The following PRKX variants were observed in gnomAD, a reference collection of about 807,000 sequenced individuals.
PRKX encodes cAMP-dependent protein kinase catalytic subunit PRKX.
In PRKX, 12 loss-of-function variants were observed where a neutral mutation model predicts 22.0. The observed-to-expected ratio is 0.54, with a 90% CI of 0.35 to 0.88. The LOEUF (loss-of-function observed/expected upper bound fraction) is 0.88, where lower values mean the gene tolerates loss of function less well. Ranked by LOEUF, PRKX falls within the 40% of genes least tolerant of loss-of-function variation. The pLI is 0.01. For missense variants in PRKX, 217 were observed against 308.0 expected (o/e 0.70, Z 2.21); for synonymous variants, 134 against 137.7 (o/e 0.97, Z 0.19).
intron 6 of PRKX, among the ~76,000 whole-genome samples, chrX:3,617,229 A>ATT (rs1291268069): frequency 3.9e-5 from 4 of 103,464 alleles, no homozygotes; most frequent in East Asian, 2.8e-4. Context: ...ATACACATGT[A>ATT]TTATATATAT....
At chrX:3,674,913 G>A (rs1328807326) in intron 1 of PRKX, 147 bp from the exon 2 acceptor site, 7 of 604,110 alleles carry the variant, frequency 1.2e-5, no homozygotes, top group Non-Finnish European at 1.3e-5. Flanking sequence ...CATGGTGCAC[G>A]TGGGCTGATG....
chrX:3,696,725 C>CT lies in PRKX; in HGVS notation c.166+16362dup, dbSNP rs1303444669. Among the ~76,000 whole-genome samples, 195 of 112,169 alleles carry CT rather than the reference C, an allele frequency of 1.7e-3. 2 individuals carry two copies. Among genetic ancestry groups the CT allele is most frequent in the Non-Finnish European group, 3.1e-3 (167 of 53,166 alleles). On this transcript the variant is annotated intron_variant, in intron 1 of 8. Coordinates refer to ENST00000262848, the MANE Select transcript of PRKX (RefSeq NM_005044.5). ...TTAGGGATCTTCTTTATAAGACAGA[C>CT]TTTTTTTTGTTTGGCTGGACGCGGT...
At chrX:3,698,159 T>A (rs1423675326) in intron 1 of PRKX, among the ~76,000 whole-genome samples, 1 of 111,590 alleles carries the variant, frequency 9.0e-6, no homozygotes, top group Non-Finnish European at 1.9e-5. Context: ...TTCAGCAGCC[T>A]TAAGCGTTGT....
intron 2 of PRKX, among the ~76,000 whole-genome samples, chrX:3,656,616 G>C (rs1275218895): frequency 2.7e-5 from 3 of 110,913 alleles, no homozygotes; most frequent in Non-Finnish European, 5.7e-5. Flanking sequence ...TACAGGTATA[G>C]ACAGGTGCTG....
intron 4 of PRKX, among the ~76,000 whole-genome samples, chrX:3,630,606 C>A (rs981899831): frequency 8.9e-6 from 1 of 111,732 alleles, no homozygotes; most frequent in Non-Finnish European, 1.9e-5. Flanking sequence ...CTCACAGTTC[C>A]GCATGGCTGG....
Position 3,696,282 on chromosome X carries a change from G to A in PRKX, c.166+16806C>T, listed in dbSNP as rs192846008. Among the ~76,000 whole-genome samples the A allele has an allele frequency of 3.6e-4, 40 of 111,272 alleles. No homozygotes were observed. In the East Asian group the frequency reaches 8.8e-3, roughly 24 times the overall value. ...CCAGAACTGGGAGCAATAAATGTCT[G>A]TTTAAGCCCCCCAGTCTATGATACA... On this transcript the variant is annotated intron_variant, in intron 1 of 8. Coordinates refer to ENST00000262848, the MANE Select transcript of PRKX (RefSeq NM_005044.5).
chrX:3,617,975 G>C (rs767570491), intron 6 of PRKX, among the ~76,000 whole-genome samples: 1 of 105,069 alleles, frequency 9.5e-6, no homozygotes, highest in Non-Finnish European at 1.9e-5. Context: ...GCAATGGACA[G>C]AGTTTCACTC....
chrX:3,632,619 G>A (rs1464583972), intron 4 of PRKX, among the ~76,000 whole-genome samples: 2 of 111,536 alleles, frequency 1.8e-5, no homozygotes, highest in Admixed American at 9.6e-5. Flanking sequence ...ATTAATAAGC[G>A]GAAAAAGATA....
intron 8 of PRKX, 76 bp downstream of exon 8, chrX:3,612,101 C>T: frequency 6.1e-6 from 6 of 980,639 alleles, no homozygotes; most frequent in Non-Finnish European, 8.3e-6. Context: ...AAGCCCCACT[C>T]AGTAAACGCA....
chrX:3,641,364 G>C (rs1927074937), intron 4 of PRKX: 3 of 117,683 alleles, frequency 2.5e-5, no homozygotes, highest in Admixed American at 2.5e-4. Flanking sequence ...CCCAACCTGT[G>C]CCCCCCTGAG....
intron 2 of PRKX, among the ~76,000 whole-genome samples, chrX:3,673,102 A>G (rs1379552720): frequency 9.0e-6 from 1 of 111,586 alleles, no homozygotes; most frequent in Non-Finnish European, 1.9e-5. Flanking sequence ...TCTAGAGGAG[A>G]AGGCAGGTGC....
intron 2 of PRKX, among the ~76,000 whole-genome samples, chrX:3,656,877 G>A (rs1318641005): frequency 9.0e-6 from 1 of 111,699 alleles, no homozygotes; most frequent in Non-Finnish European, 1.9e-5. Context: ...GTCCGAGGTC[G>A]GGGCGCCTGC....
chrX:3,642,256 ATTTTT>A (rs778959709), intron 3 of PRKX, among the ~76,000 whole-genome samples: 1 of 110,311 alleles, frequency 9.1e-6, no homozygotes, highest in African/African-American at 3.3e-5. Flanking sequence ...AAAAAACCTC[ATTTTT>A]TTTGAGTTAT....
chrX:3,702,153 C>T (rs572131784), intron 1 of PRKX, among the ~76,000 whole-genome samples: 1 of 112,093 alleles, frequency 8.9e-6, no homozygotes, highest in South Asian at 3.7e-4. Context: ...CCACTCTTGT[C>T]CTCTCATTGC....
intron 1 of PRKX, among the ~76,000 whole-genome samples, chrX:3,706,185 G>A (rs1160796719): frequency 1.8e-5 from 2 of 109,657 alleles, no homozygotes; most frequent in Non-Finnish European, 3.8e-5. Flanking sequence ...CATCTCCCTT[G>A]ATACTTTCTT....
At chrX:3,712,993 C>T in intron 1 of PRKX, 95 bp downstream of exon 1, 1 of 1,005,763 alleles carries the variant, frequency 9.9e-7, no homozygotes, top group Non-Finnish European at 1.3e-6. Flanking sequence ...AGGGCCCTCC[C>T]CAGGAGGTCG....
At chrX:3,660,887 G>C (rs1256702681) in intron 2 of PRKX, among the ~76,000 whole-genome samples, 1 of 109,912 alleles carries the variant, frequency 9.1e-6, no homozygotes, top group Non-Finnish European at 1.9e-5. Flanking sequence ...AGGAGGGAAG[G>C]GACGAGGAGA....
At chrX:3,689,705 C>T (rs10871866) in intron 1 of PRKX, among the ~76,000 whole-genome samples, 22,325 of 110,453 alleles carry the variant, frequency 0.2, 2,247 homozygotes, top group East Asian at 0.41. Context: ...GGGCTGGGCG[C>T]GGTGGCTCAC....
chrX:3,678,040 T>C (rs1928000346), intron 1 of PRKX, among the ~76,000 whole-genome samples: 1 of 111,783 alleles, frequency 8.9e-6, no homozygotes, highest in Non-Finnish European at 1.9e-5. Flanking sequence ...GAGAAGGGCT[T>C]TGAGGACTGT....
Sources: allele counts gnomAD v4.1 joint callset (sites outside exome capture counted in the v4.1 genomes callset), GRCh38; gene constraint gnomAD v4.1.1; transcripts MANE v1.5; gene names NCBI Gene and HGNC (gene_info 2026-07-23, HGNC 2026-07-21).